PLEK: variants seen among roughly 807,000 people sequenced by gnomAD.
PLEK encodes the protein platelet 47 kDa protein.
Under a neutral mutation model 43.9 loss-of-function variants are expected in PLEK, and 25 were observed. The ratio of observed to expected loss-of-function variants is 0.57; its 90% confidence interval spans 0.41 to 0.79. PLEK has a LOEUF of 0.79. Ranked by LOEUF, PLEK falls within the 30% of genes least tolerant of loss-of-function variation. The pLI is 0.00. For missense variants in PLEK, 396 were observed against 413.3 expected (o/e 0.96, Z 0.36); for synonymous variants, 152 against 144.4 (o/e 1.05, Z -0.38).
chr2:68,388,443 A>G lies in PLEK; in HGVS notation c.714A>G (p.Lys238=), dbSNP rs201116181. 1.9e-6 allele frequency: 3 copies of G among 1,611,074 alleles called. No individual in the cohort carries two copies. The highest frequency in any genetic ancestry group is 1.7e-6 in the Non-Finnish European group (2 of 1,177,288). The stretch of plus-strand genomic sequence containing the variant: ...CCAGTGATGATGATGTGATTCTGAA[A>G]GAAGAATTCAGAGGGGTCATTATCA... The part of the protein sequence containing the change: ...ENSSDDDVIL[K]EEFRGVIIKQ... The change falls in exon 6 of 9, where the codon AAA becomes AAG. Residue 238 remains lysine, a synonymous_variant. Transcript: ENST00000234313.
chr2:68,380,441 G>A lies in PLEK; in HGVS notation c.156G>A (p.Gly52=), dbSNP rs202153385. 2 of 1,614,028 alleles carry A rather than the reference G, an allele frequency of 1.2e-6. No homozygotes were observed. The highest frequency in any genetic ancestry group is 2.7e-5 in the African/African-American group (2 of 75,036). Residue 52 remains glycine, a synonymous_variant, in exon 2 of 9, where the codon GGG becomes GGA. Transcript: ENST00000234313. ...NSPKGMIPLK[G]STLTSPCQDF... is the part of the protein sequence containing the mutation. ...CCAAAGGAATGATCCCGCTGAAAGG[G>A]AGCACTCTGACTAGCCCTTGTCAAG...
intron 1 of PLEK, 152 bp from the exon 2 acceptor site, chr2:68,380,176 G>A (rs879629166): frequency 3.2e-6 from 2 of 621,470 alleles, no homozygotes; most frequent in Non-Finnish European, 5.4e-6. Context: ...AGTAGCCACT[G>A]ATTTGAGAGG....
chr2:68,365,585 T>G (rs1021696790), intron 1 of PLEK, 192 bp downstream of exon 1: 1 of 538,032 alleles, frequency 1.9e-6, no homozygotes, highest in African/African-American at 1.9e-5. Flanking sequence ...CAGCCCCGGC[T>G]TCCTTACAGT....
chr2:68,366,796 C>T (rs1673282800), intron 1 of PLEK, among the ~76,000 whole-genome samples: 1 of 152,182 alleles, frequency 6.6e-6, no homozygotes, highest in South Asian at 2.1e-4. Context: ...TTATTCCTTT[C>T]CTGATCACTT....
rs186124456 is a variant in PLEK, at chr2:68,380,334, G to A, written c.49G>A (p.Val17Met). The A allele has an allele frequency of 7.6e-5, 122 of 1,612,182 alleles. No individual in the cohort carries two copies. Among genetic ancestry groups the A allele is most frequent in the East Asian group, 4.5e-4 (20 of 44,824 alleles). Residue 17 changes from valine (V) to methionine (M), a missense_variant, in exon 2 of 9, where the codon GTG becomes ATG. Transcript: ENST00000234313. The part of the protein sequence containing the change: ...REGYLVKKGS[V>M]FNTWKPMWVV... ...CTTTTGGTTGTCATTACAGGGGAGC[G>A]TGTTCAATACGTGGAAACCCATGTG...
In PLEK at chr2:68,388,398, GTTC is replaced by G; in HGVS notation, c.674_676del (p.Phe225del). On this transcript the variant is annotated inframe_deletion, in exon 6 of 9. Transcript: ENST00000234313. ...TGATTTTCCAACAGCCAGACAGTGG[GTTC>G]TTCTGTGAAGAGAATTCCAGTGATG... is the stretch of plus-strand genomic sequence containing the variant. 6.2e-7 allele frequency: 1 copy of G among 1,604,606 alleles called. No homozygotes were observed. Among genetic ancestry groups the G allele is most frequent in the Non-Finnish European group, 8.5e-7 (1 of 1,171,380 alleles).
intron 1 of PLEK, among the ~76,000 whole-genome samples, chr2:68,367,120 AG>A (rs1336606961): frequency 6.6e-6 from 1 of 152,222 alleles, no homozygotes; most frequent in Non-Finnish European, 1.5e-5. Context: ...GGAATTAAAT[AG>A]TGAAATTTTG....
At chr2:68,373,903 T>C (rs935851305) in intron 1 of PLEK, among the ~76,000 whole-genome samples, 1 of 152,222 alleles carries the variant, frequency 6.6e-6, no homozygotes, top group Admixed American at 6.5e-5. Context: ...TCACTAAAAG[T>C]ATATTCTAAA....
chr2:68,393,955 G>GATTTAATTT (rs773409123), intron 7 of PLEK, 152 bp from the exon 8 acceptor site: 87 of 583,268 alleles, frequency 1.5e-4, no homozygotes, highest in Non-Finnish European at 2.5e-4. Context: ...CCTTAGATCT[G>GATTTAATTT]TCAGCAGTTT....
chr2:68,367,940 T>A (rs1673316258), intron 1 of PLEK, among the ~76,000 whole-genome samples: 1 of 152,214 alleles, frequency 6.6e-6, no homozygotes, highest in Non-Finnish European at 1.5e-5. Flanking sequence ...CTGTGTCTTG[T>A]TTTATGAAAT....
chr2:68,389,222 G>T (rs1030236841), intron 6 of PLEK, among the ~76,000 whole-genome samples: 1 of 152,252 alleles, frequency 6.6e-6, no homozygotes, highest in Non-Finnish European at 1.5e-5. Flanking sequence ...GGTGGAGGAA[G>T]TCGCAGGAAG....
At chr2:68,383,725 G>A (rs926778342) in intron 4 of PLEK, among the ~76,000 whole-genome samples, 1 of 152,202 alleles carries the variant, frequency 6.6e-6, no homozygotes, top group Non-Finnish European at 1.5e-5. Context: ...GGTGACAGGA[G>A]AGATCAAAGG....
rs527942258 is a variant in PLEK at position 68,394,729 on chromosome 2, G to A, written c.916+553G>A. The stretch of plus-strand genomic sequence containing the variant: ...ATGGCTGAGAAGAAGAGCAGTGAGG[G>A]GGTTGCACTAGAGGACCCCAGACCA... On this transcript the variant is annotated intron_variant, in intron 8 of 8. Coordinates refer to ENST00000234313, the MANE Select transcript of PLEK (RefSeq NM_002664.3). Among the ~76,000 whole-genome samples, 39 of 152,312 alleles carry A rather than the reference G, an allele frequency of 2.6e-4. 1 individual carries two copies. The highest frequency in any genetic ancestry group is 6.8e-3 in the Middle Eastern group (2 of 294).
At chr2:68,375,082 A>G (rs1317322732) in intron 1 of PLEK, among the ~76,000 whole-genome samples, 3 of 152,132 alleles carry the variant, frequency 2.0e-5, no homozygotes, top group Non-Finnish European at 4.4e-5. Flanking sequence ...AAGGACATAT[A>G]TGTGTTTAGC....
chr2:68,395,748 G>A lies in PLEK; in HGVS notation c.985G>A (p.Ala329Thr). Reference sequence around the variant, plus strand: ...AGATGAAGTGCACTATTTCTTGCAAGCAGCCACCCCCAAGGAGCGCACAGA... The same window carrying A: ...AGATGAAGTGCACTATTTCTTGCAAACAGCCACCCCCAAGGAGCGCACAGA... Reference protein sequence around the residue: ...TADEVHYFLQAATPKERTEWI... With the variant: ...TADEVHYFLQTATPKERTEWI... Residue 329 changes from alanine (A) to threonine (T), a missense_variant, in exon 9 of 9, where the codon GCA becomes ACA. Ala to Thr is a moderately conservative substitution (Grantham distance 58). Transcript: ENST00000234313. The A allele has an allele frequency of 6.2e-7, 1 of 1,613,910 alleles. No homozygotes were observed. The highest frequency in any genetic ancestry group is 8.5e-7 in the Non-Finnish European group (1 of 1,179,836).
chr2:68,367,676 T>G (rs189826953), intron 1 of PLEK, among the ~76,000 whole-genome samples: 1 of 152,240 alleles, frequency 6.6e-6, no homozygotes, highest in Non-Finnish European at 1.5e-5. Context: ...ATTATTTGTA[T>G]CAGCATCAAT....
At chr2:68,369,882 T>C (rs1673364360) in intron 1 of PLEK, among the ~76,000 whole-genome samples, 1 of 152,256 alleles carries the variant, frequency 6.6e-6, no homozygotes, top group Admixed American at 6.5e-5. Context: ...ATGTTTTCAC[T>C]GATAAATTTT....
Position 68,377,292 on chromosome 2 carries a change from G to A in PLEK, c.43-3036G>A, listed in dbSNP as rs146712982. Reference sequence around the variant, plus strand: ...TTCTTTACAGTATATACCCCCCAGTGAGATTGCTGGGTCAAATCGTAGTTC... The same window carrying A: ...TTCTTTACAGTATATACCCCCCAGTAAGATTGCTGGGTCAAATCGTAGTTC... On this transcript the variant is annotated intron_variant, in intron 1 of 8. Transcript: ENST00000234313. Among the ~76,000 whole-genome samples the A allele has an allele frequency of 3.8e-4, 58 of 152,258 alleles. No individual in the cohort carries two copies. The East Asian group carries it at 0.011, about 28-fold the overall frequency.
At chr2:68,378,101 C>T (rs1333760890) in intron 1 of PLEK, among the ~76,000 whole-genome samples, 1 of 152,062 alleles carries the variant, frequency 6.6e-6, no homozygotes, top group South Asian at 2.1e-4. Context: ...ACATTATTCA[C>T]ATATAAGCAT....
Sources: allele counts gnomAD v4.1 joint callset (sites outside exome capture counted in the v4.1 genomes callset), GRCh38; gene constraint gnomAD v4.1.1; transcripts MANE v1.5; gene names NCBI Gene and HGNC (gene_info 2026-07-23, HGNC 2026-07-21).